WDR53: variants seen among roughly 807,000 people sequenced by gnomAD.
WDR53 encodes WD repeat domain 53.
A neutral mutation model predicts 21.3 loss-of-function variants in WDR53; 19 were observed. The ratio of observed to expected loss-of-function variants is 0.89; its 90% CI spans 0.62 to 1.31. WDR53 has a LOEUF of 1.31. Ranked by LOEUF, WDR53 falls within the 50% of genes most tolerant of loss-of-function variation. The probability of loss-of-function intolerance (pLI) is 0.00; values close to 1 mark genes in which losing one functional copy is unlikely to be tolerated. For synonymous variants in WDR53, 157 were observed against 163.4 expected (o/e 0.96, Z 0.30); for missense variants, 374 against 423.2 (o/e 0.88, Z 1.02).
intron 2 of WDR53, among the ~76,000 whole-genome samples, chr3:196,562,330 C>T (rs1279715253): frequency 3.3e-5 from 5 of 152,168 alleles, no homozygotes; most frequent in Admixed American, 2.0e-4. Flanking sequence ...TGGATGATCT[C>T]GGCTCACTGC....
rs758328799 is a variant in WDR53 at position 196,554,676 on chromosome 3, A to G, written c.612T>C (p.Ser204=). 2.5e-6 allele frequency: 4 copies of G among 1,614,158 alleles called. No individual in the cohort carries two copies. Among genetic ancestry groups the G allele is most frequent in the Non-Finnish European group, 3.4e-6 (4 of 1,179,996 alleles). The change falls in exon 4 of 4, where the codon TCT becomes TCC. Residue 204 remains serine (S), a synonymous_variant. Coordinates refer to ENST00000332629, the MANE Select transcript of WDR53 (RefSeq NM_182627.3). The part of the protein sequence containing the change: ...LLNPALAHSI[S]VASCGNIFSC... ...TAAAAATATTACCACACGAAGCCAC[A>G]GAGATAGAATGGGCTAGGGCAGGGT...
intron 3 of WDR53, among the ~76,000 whole-genome samples, 182 bp from the exon 4 acceptor site, chr3:196,554,989 G>A (rs1734202634): frequency 6.8e-6 from 1 of 147,738 alleles, no homozygotes; most frequent in African/African-American, 2.5e-5. Context: ...TGCTACCCCG[G>A]GACTAAAACT....
In WDR53 at chr3:196,561,224, T is replaced by C; in HGVS notation, c.252A>G (p.Lys84=). Residue 84 remains lysine (K), a synonymous_variant, in exon 3 of 4, where the codon AAA becomes AAG. Transcript: ENST00000332629. ...TISVLDVRSL[K]DSLDHFHVNE... is the part of the protein sequence containing the mutation. ...TCACATGAAAATGGTCCAAGGAATC[T>C]TTGAGGGACCTGACATCCAGTACAC... The C allele has an allele frequency of 6.2e-7, 1 of 1,614,226 alleles. No homozygotes were observed. Among genetic ancestry groups the C allele is most frequent in the Admixed American group, 1.7e-5 (1 of 60,018 alleles).
chr3:196,566,949 G>C lies in WDR53; in HGVS notation c.-89C>G, dbSNP rs1474241856. On this transcript the variant is annotated 5_prime_UTR_variant, in exon 2 of 4. The change creates a premature stop within an existing upstream ORF in the 5' untranslated region. Transcript: ENST00000332629. ...TCACCTCAGCGGCTGGACTAGATTA[G>C]TAAGAATGACAACATCGCATCCTTC... The C allele has an allele frequency of 4.0e-6, 1 of 251,206 alleles. No individual in the cohort carries two copies. Among genetic ancestry groups the C allele is most frequent in the African/African-American group, 2.3e-5 (1 of 43,692 alleles). The allele number at this position is 251,206 out of a possible 1,614,324, so 15.6% of individuals were successfully genotyped here. A position where few individuals can be genotyped will look rare whatever the true frequency, so the allele number is the denominator to read the frequency against.
intron 2 of WDR53, among the ~76,000 whole-genome samples, chr3:196,566,339 C>T (rs926435793): frequency 6.6e-6 from 1 of 152,008 alleles, no homozygotes; most frequent in Non-Finnish European, 1.5e-5. Context: ...CCACCCACCT[C>T]GGCCTCCCAA....
Position 196,554,644 on chromosome 3 carries a change from C to CA in WDR53, c.643_644insT (p.Gly215ValfsTer6). ...GATTCGAACCTTACCATCTTCTGCA[C>CA]CACAACTAAAAATATTACCACACGA... On this transcript the variant is annotated frameshift_variant, in exon 4 of 4. Transcript: ENST00000332629. LOFTEE classifies it high-confidence loss of function. 1 of 1,614,114 alleles carries CA rather than the reference C, an allele frequency of 6.2e-7. No individual in the cohort carries two copies. Among genetic ancestry groups the CA allele is most frequent in the Non-Finnish European group, 8.5e-7 (1 of 1,180,022 alleles).
At position 196,564,397 on chromosome 3, in the gene WDR53, T is replaced by TCTTC. The variant is rs1553872895; in HGVS notation, c.-17+2479_-17+2480insGAAG. 9.5e-4 allele frequency among the ~76,000 whole-genome samples: 123 copies of TCTTC among 129,680 alleles called. No individual in the cohort carries two copies. The Middle Eastern group carries it at 0.026, about 28-fold the overall frequency. 85.1% of individuals were successfully genotyped at this position (129,680 alleles called of 152,430 possible). ...GATTTCAATTTTTTTTCTTTTTTCT[T>TCTTC]TTTTTTTTTTTTTTGAGACAGGGTC... On this transcript the variant is annotated intron_variant, in intron 2 of 3. Transcript: ENST00000332629.
At chr3:196,559,798 T>C (rs927342538) in intron 3 of WDR53, among the ~76,000 whole-genome samples, 1 of 152,132 alleles carries the variant, frequency 6.6e-6, no homozygotes, top group Non-Finnish European at 1.5e-5. Flanking sequence ...AGAAAAAACA[T>C]AGCCTTTGGA....
intron 3 of WDR53, among the ~76,000 whole-genome samples, 167 bp from the exon 4 acceptor site, chr3:196,554,974 T>C (rs1374767056): frequency 6.6e-6 from 1 of 152,108 alleles, no homozygotes; most frequent in Non-Finnish European, 1.5e-5. Context: ...AACATGCCAG[T>C]GGAATGCTAC....
Position 196,561,127 on chromosome 3 carries a change from C to T in WDR53, c.349G>A (p.Ala117Thr), listed in dbSNP as rs1352811328. ...TTTTCCAAGTCTAGGATTTTGATTG[C>T]CCCAGAGTCGTCAGCAGAAGCCAGC... ...NLLASADDSGAIKILDLENKK... is the reference protein window; with the variant it reads ...NLLASADDSGTIKILDLENKK... Residue 117 changes from alanine (A) to threonine (T), a missense_variant, in exon 3 of 4, where the codon GCA becomes ACA. Ala to Thr is a moderately conservative substitution (Grantham distance 58). Coordinates refer to ENST00000332629, the MANE Select transcript of WDR53 (RefSeq NM_182627.3). 6.2e-7 allele frequency: 1 copy of T among 1,614,064 alleles called. No individual in the cohort carries two copies. Among genetic ancestry groups the T allele is most frequent in the Non-Finnish European group, 8.5e-7 (1 of 1,180,042 alleles).
At chr3:196,565,150 A>G (rs1735255175) in intron 2 of WDR53, among the ~76,000 whole-genome samples, 1 of 152,142 alleles carries the variant, frequency 6.6e-6, no homozygotes, top group African/African-American at 2.4e-5. Flanking sequence ...CCCCAAGAAC[A>G]CTTTCATCTT....
At chr3:196,559,575 A>G (rs1167929066) in intron 3 of WDR53, among the ~76,000 whole-genome samples, 1 of 152,162 alleles carries the variant, frequency 6.6e-6, no homozygotes, top group Non-Finnish European at 1.5e-5. Flanking sequence ...ACCACTAGCC[A>G]AGAGGGTGGA....
chr3:196,561,479 G>C lies in WDR53; in HGVS notation c.-4C>G. ...CACCCGTCCACTTGACTGCCATAATGGTCCCGGAGACTCTGTGAAGTGGGG... is the reference window on the plus strand; with the variant it reads ...CACCCGTCCACTTGACTGCCATAATCGTCCCGGAGACTCTGTGAAGTGGGG... On this transcript the variant is annotated 5_prime_UTR_variant, in exon 3 of 4. Transcript: ENST00000332629. 8 of 1,608,048 alleles carry C rather than the reference G, an allele frequency of 5.0e-6. No individual in the cohort carries two copies. Among genetic ancestry groups the C allele is most frequent in the Non-Finnish European group, 6.8e-6 (8 of 1,177,138 alleles).
Position 196,554,179 on chromosome 3 carries a change from T to C in WDR53, c.*32A>G, listed in dbSNP as rs1261205868. ...TTTTTTTTTAATCTGAAAAACAGTT[T>C]TGCCACAATTCTTCAAATGTTTTTA... On this transcript the variant is annotated 3_prime_UTR_variant, in exon 4 of 4. Coordinates refer to ENST00000332629, the MANE Select transcript of WDR53 (RefSeq NM_182627.3). 1.4e-6 allele frequency: 2 copies of C among 1,456,018 alleles called. No individual in the cohort carries two copies. Among genetic ancestry groups the C allele is most frequent in the Admixed American group, 2.3e-5 (1 of 44,336 alleles). 90.2% of individuals were successfully genotyped at this position (1,456,018 alleles called of 1,614,324 possible).
At chr3:196,560,022 C>A (rs1734674578) in intron 3 of WDR53, among the ~76,000 whole-genome samples, 1 of 152,212 alleles carries the variant, frequency 6.6e-6, no homozygotes, top group Non-Finnish European at 1.5e-5. Context: ...AGAGGAAGCA[C>A]ATCCTGCCAT....
chr3:196,565,433 G>A (rs1052794010), intron 2 of WDR53, among the ~76,000 whole-genome samples: 7 of 151,972 alleles, frequency 4.6e-5, no homozygotes, highest in African/African-American at 1.7e-4. Flanking sequence ...AAATTAGCAG[G>A]GTGTGGTGGT....
At position 196,568,545 on chromosome 3, in the gene WDR53, G is replaced by C. The variant is rs1735672423; in HGVS notation, c.-474C>G. On this transcript the variant is annotated 5_prime_UTR_variant, in exon 1 of 4. Transcript: ENST00000332629. ...TGCGCTTCCCGCTCCCCTCCTCGGC[G>C]CCTAGTGATAACCTCACCCGCCGGC... The C allele has an allele frequency of 6.6e-6, 1 of 152,454 alleles. No individual in the cohort carries two copies. 9.4% of individuals were successfully genotyped at this position (152,454 alleles called of 1,614,324 possible). A position where few individuals can be genotyped will look rare whatever the true frequency, so the allele number is the denominator to read the frequency against.
intron 2 of WDR53, among the ~76,000 whole-genome samples, chr3:196,562,541 C>T (rs774316298): frequency 5.2e-4 from 79 of 152,148 alleles, no homozygotes; most frequent in Non-Finnish European, 8.5e-4. Context: ...GGATTATAAG[C>T]GTGAGCCACC....
chr3:196,557,464 T>C (rs889685030), intron 3 of WDR53, among the ~76,000 whole-genome samples: 1 of 152,166 alleles, frequency 6.6e-6, no homozygotes. Context: ...GAGGATCACC[T>C]GAGGGAGTGC....
Sources: gnomAD v4.1 joint callset for allele counts (sites outside exome capture counted in the v4.1 genomes callset) on GRCh38, gnomAD v4.1.1 for gene constraint, MANE v1.5 for transcripts, NCBI Gene and HGNC (gene_info 2026-07-23, HGNC 2026-07-21) for gene names.